Variants in TENM3 observed in about 807,000 individuals in gnomAD.
TENM3 encodes teneurin-3.
In TENM3, 63 loss-of-function variants were observed where a neutral mutation model predicts 255.1. The ratio of observed to expected loss-of-function variants is 0.25; its 90% confidence interval spans 0.20 to 0.30. TENM3 has a LOEUF of 0.30. Among genes scored for constraint, TENM3 ranks in the 10% least tolerant of loss-of-function variants. The pLI is 1.00. For missense variants in TENM3, 2,929 were observed against 3,461.1 expected, an observed-to-expected ratio of 0.85 and a Z score of 3.86; for synonymous variants, 1,306 against 1,322.3, an observed-to-expected ratio of 0.99 and a Z score of 0.27.
chr4:182,142,342 T>G (rs1749505846), upstream of TENM3: 1 of 159,278 alleles, frequency 6.3e-6, no homozygotes, highest in South Asian at 2.1e-4. Flanking sequence ...CTTCTCTACT[T>G]AACGCGCTGC....
chr4:181,652,879 A>G, the TENM3 span, among the ~76,000 whole-genome samples: 1 of 152,210 alleles, frequency 6.6e-6, no homozygotes, highest in Non-Finnish European at 1.5e-5. Flanking sequence ...TTCACACACG[A>G]ACTGCTGTGA....
At chr4:182,063,780 G>A in the TENM3 span, among the ~76,000 whole-genome samples, 1 of 152,152 alleles carries the variant, frequency 6.6e-6, no homozygotes, top group Non-Finnish European at 1.5e-5. Flanking sequence ...GTAGTGTGAG[G>A]ATTAGAACTA....
At chr4:181,660,100 G>A in the TENM3 span, among the ~76,000 whole-genome samples, 5 of 152,208 alleles carry the variant, frequency 3.3e-5, no homozygotes, top group African/African-American at 1.2e-4. Flanking sequence ...TTAAATGTAA[G>A]CTGTATAAAC....
At chr4:181,685,418 A>C in the TENM3 span, among the ~76,000 whole-genome samples, 1 of 152,210 alleles carries the variant, frequency 6.6e-6, no homozygotes, top group Non-Finnish European at 1.5e-5. Context: ...AGTTGGTGCT[A>C]TAGTGAAATC....
intron 1 of TENM3, among the ~76,000 whole-genome samples, chr4:182,254,442 G>A (rs899474092): frequency 1.3e-4 from 20 of 151,688 alleles, no homozygotes; most frequent in African/African-American, 2.7e-4. Context: ...AATATCAGTC[G>A]ACTCATGAAA....
chr4:182,197,081 C>T (rs889321828), intron 1 of TENM3, among the ~76,000 whole-genome samples: 8 of 152,218 alleles, frequency 5.3e-5, no homozygotes, highest in African/African-American at 1.9e-4. Context: ...TAAACTCCTT[C>T]TAAAAGTTCT....
chr4:182,094,479 G>A, the TENM3 span, among the ~76,000 whole-genome samples: 1,200 of 152,150 alleles, frequency 7.9e-3, 9 homozygotes, highest in Non-Finnish European at 0.011. Context: ...AACTCCTGAC[G>A]TTGTGATCCG....
the TENM3 span, among the ~76,000 whole-genome samples, chr4:181,493,359 G>C: frequency 6.6e-6 from 1 of 151,232 alleles, no homozygotes; most frequent in Non-Finnish European, 1.5e-5. Flanking sequence ...AAAAGATTAA[G>C]GTAACACAAA....
At chr4:182,380,757 G>A (rs997163970) in intron 3 of TENM3, among the ~76,000 whole-genome samples, 2 of 152,148 alleles carry the variant, frequency 1.3e-5, no homozygotes, top group African/African-American at 2.4e-5. Flanking sequence ...GGAATTTAAC[G>A]AAGGCCACAT....
chr4:182,053,512 A>G, the TENM3 span, among the ~76,000 whole-genome samples: 2 of 152,118 alleles, frequency 1.3e-5, no homozygotes, highest in African/African-American at 4.8e-5. Flanking sequence ...CTGGTCCAGG[A>G]TAGACCCATG....
the TENM3 span, among the ~76,000 whole-genome samples, chr4:181,496,934 A>G: frequency 1.4e-5 from 2 of 144,196 alleles, no homozygotes; most frequent in Admixed American, 1.3e-4. Flanking sequence ...AGAAATCACT[A>G]TTATAAATTT....
At chr4:182,234,107 C>T (rs930169298) in intron 1 of TENM3, among the ~76,000 whole-genome samples, 6 of 152,136 alleles carry the variant, frequency 3.9e-5, no homozygotes, top group Admixed American at 1.3e-4. Flanking sequence ...CCAAGTTCAC[C>T]GTGAAAGCCT....
chr4:181,976,140 G>T, the TENM3 span: 1 of 152,332 alleles, frequency 6.6e-6, no homozygotes, highest in South Asian at 2.1e-4. Flanking sequence ...TGTTTTTTGA[G>T]ACAGGGTCTC....
intron 3 of TENM3, chr4:182,448,899 T>TA (rs1385272082): frequency 3.2e-6 from 1 of 313,164 alleles, no homozygotes; most frequent in Non-Finnish European, 6.5e-6. Flanking sequence ...GCGAAGGGGT[T>TA]AAGCGGCGCA....
intron 3 of TENM3, among the ~76,000 whole-genome samples, chr4:182,391,365 G>T (rs1389180036): frequency 6.6e-6 from 1 of 152,140 alleles, no homozygotes; most frequent in Admixed American, 6.6e-5. Context: ...ATGTCCTCAG[G>T]ATTCTAGTAC....
At chr4:182,160,008 G>T (rs553647791) in intron 1 of TENM3, among the ~76,000 whole-genome samples, 1 of 151,626 alleles carries the variant, frequency 6.6e-6, no homozygotes, top group African/African-American at 2.4e-5. Context: ...AGTATATTCC[G>T]GTTCTTTTTT....
chr4:181,486,872 T>C, the TENM3 span, among the ~76,000 whole-genome samples: 1 of 152,198 alleles, frequency 6.6e-6, no homozygotes, highest in African/African-American at 2.4e-5. Context: ...CTGGTACATG[T>C]TAATGAATCC....
chr4:182,203,868 A>G (rs756454892), intron 1 of TENM3, among the ~76,000 whole-genome samples: 67 of 152,368 alleles, frequency 4.4e-4, no homozygotes, highest in Non-Finnish European at 8.7e-4. Context: ...TGGTGGAAGC[A>G]TACAAGACCT....
the TENM3 span, among the ~76,000 whole-genome samples, chr4:182,116,140 G>T: frequency 6.6e-6 from 1 of 152,056 alleles, no homozygotes; most frequent in East Asian, 1.9e-4. Flanking sequence ...CATCATTGTA[G>T]AACACACAGA....
Sources: allele counts gnomAD v4.1 joint callset (sites outside exome capture counted in the v4.1 genomes callset), GRCh38; gene constraint gnomAD v4.1.1; transcripts MANE v1.5; gene names NCBI Gene and HGNC (gene_info 2026-07-23, HGNC 2026-07-21).